Variants in MSR1 observed in about 807,000 individuals in gnomAD.
MSR1 encodes macrophage scavenger receptor types I and II.
In MSR1, 53 loss-of-function variants were observed where a neutral mutation model predicts 47.2. That is an observed-to-expected ratio of 1.12 (90% CI 0.90 to 1.41). The LOEUF (loss-of-function observed/expected upper bound fraction) is 1.41. Ranked by LOEUF, MSR1 falls within the 40% of genes most tolerant of loss-of-function variation. MSR1 has a pLI of 0.00. For missense variants in MSR1, 786 were observed against 546.9 expected, an observed-to-expected ratio of 1.44 and a Z score of -4.36; for synonymous variants, 239 against 185.6, an observed-to-expected ratio of 1.29 and a Z score of -2.34.
Position 16,109,778 on chromosome 8 carries a change from T to C in MSR1, c.*307A>G, listed in dbSNP as rs1288605363. On this transcript the variant is annotated 3_prime_UTR_variant, in exon 10 of 10. Transcript: ENST00000262101. Reference sequence around the variant, plus strand: ...CATATTATGAATTGGAGCCAATTACTGGTATGCATTTCTATTACCCTTGGC... The same window carrying C: ...CATATTATGAATTGGAGCCAATTACCGGTATGCATTTCTATTACCCTTGGC... The C allele has an allele frequency of 9.0e-6, 3 of 331,932 alleles. No homozygotes were observed. The highest frequency in any genetic ancestry group is 1.7e-5 in the Non-Finnish European group (3 of 178,104). The allele number at this position is 331,932 out of a possible 1,614,324, so 20.6% of individuals were successfully genotyped here. A position where few individuals can be genotyped will look rare whatever the true frequency, so the allele number is the denominator to read the frequency against.
chr8:16,160,281 T>C (rs979463514), intron 5 of MSR1, among the ~76,000 whole-genome samples: 1 of 152,020 alleles, frequency 6.6e-6, no homozygotes, highest in African/African-American at 2.4e-5. Flanking sequence ...GAATACAGAA[T>C]GTTGAGAACT....
At chr8:16,164,326 C>A (rs879470400) in intron 4 of MSR1, 75 bp from the exon 5 acceptor site, 4 of 1,300,552 alleles carry the variant, frequency 3.1e-6, no homozygotes, top group African/African-American at 2.9e-5. Context: ...AAGAAACCCT[C>A]GGAGTTCAGG....
intron 3 of MSR1, among the ~76,000 whole-genome samples, chr8:16,169,148 T>C (rs1049922381): frequency 3.3e-5 from 5 of 152,210 alleles, no homozygotes; most frequent in Non-Finnish European, 7.3e-5. Context: ...TTCTTGGCCA[T>C]TGATTTTGGC....
At chr8:16,189,108 T>C (rs553377994) in intron 1 of MSR1, among the ~76,000 whole-genome samples, 11 of 145,942 alleles carry the variant, frequency 7.5e-5, no homozygotes, top group African/African-American at 2.2e-4. Flanking sequence ...ATTTTACATA[T>C]ATTTCATATA....
At chr8:16,149,895 T>G (rs529374149) in intron 7 of MSR1, among the ~76,000 whole-genome samples, 2 of 151,826 alleles carry the variant, frequency 1.3e-5, no homozygotes, top group South Asian at 4.2e-4. Flanking sequence ...TAGTGATGAT[T>G]TATGATTGTG....
intron 7 of MSR1, among the ~76,000 whole-genome samples, 164 bp from the exon 8 acceptor site, chr8:16,143,775 T>A (rs1018292352): frequency 8.5e-5 from 13 of 152,152 alleles, no homozygotes; most frequent in African/African-American, 3.1e-4. Context: ...AGTTATTACT[T>A]AGGAAGCTCC....
chr8:16,110,646 G>A (rs1302804235), intron 9 of MSR1, among the ~76,000 whole-genome samples: 1 of 152,010 alleles, frequency 6.6e-6, no homozygotes, highest in Non-Finnish European at 1.5e-5. Flanking sequence ...AAAATAAACC[G>A]GAAAAAGGAA....
At chr8:16,134,525 TTCCCCCTTCTG>T (rs1197881395) in intron 8 of MSR1, among the ~76,000 whole-genome samples, 7 of 152,114 alleles carry the variant, frequency 4.6e-5, no homozygotes, top group Non-Finnish European at 1.0e-4. Context: ...CAACTGGCTG[TTCCCCCTTCTG>T]TCTCTCTTCC....
chr8:16,149,460 C>A (rs1044640988), intron 7 of MSR1, among the ~76,000 whole-genome samples: 4 of 151,904 alleles, frequency 2.6e-5, no homozygotes, highest in African/African-American at 7.3e-5. Context: ...AACTCCTGAG[C>A]TAAGCAATCC....
At chr8:16,171,683 G>A (rs778288583) in intron 3 of MSR1, among the ~76,000 whole-genome samples, 19 of 152,174 alleles carry the variant, frequency 1.2e-4, no homozygotes, top group Non-Finnish European at 4.4e-5. Flanking sequence ...ACAATGAGGA[G>A]CCCAAATAAA....
intron 8 of MSR1, chr8:16,139,300 T>A: frequency 2.0e-6 from 2 of 983,992 alleles, no homozygotes; most frequent in African/African-American, 1.7e-5. Flanking sequence ...TTCAGAGAGA[T>A]CACTGCGAAG....
rs145792292 is a variant in MSR1, at chr8:16,180,837, T to G, written c.-4-2845A>C. Among the ~76,000 whole-genome samples, 258 of 152,154 alleles carry G rather than the reference T, an allele frequency of 1.7e-3. 2 individuals are homozygous for G. Among genetic ancestry groups the G allele is most frequent in the African/African-American group, 5.9e-3 (243 of 41,516 alleles). On this transcript the variant is annotated intron_variant, in intron 1 of 9. Coordinates refer to ENST00000262101, the MANE Select transcript of MSR1 (RefSeq NM_138715.3). The stretch of plus-strand genomic sequence containing the variant: ...GTTGCATATTCCTCCTTTCTGAGAG[T>G]TGGTTTTCATGAATGCTATGTTGAT...
intron 1 of MSR1, among the ~76,000 whole-genome samples, chr8:16,182,836 C>A (rs879703762): frequency 1.4e-4 from 21 of 151,966 alleles, no homozygotes; most frequent in Non-Finnish European, 2.4e-4. Flanking sequence ...GAGTACACAC[C>A]AAAATAATGA....
chr8:16,174,983 G>A (rs971200926), intron 3 of MSR1, among the ~76,000 whole-genome samples: 1 of 151,618 alleles, frequency 6.6e-6, no homozygotes, highest in Non-Finnish European at 1.5e-5. Context: ...ATTCTATTTT[G>A]TTTTTTCTAA....
intron 1 of MSR1, among the ~76,000 whole-genome samples, chr8:16,186,616 A>T (rs368184205): frequency 6.7e-6 from 1 of 148,682 alleles, no homozygotes; most frequent in African/African-American, 2.5e-5. Context: ...AAGCCCCATC[A>T]TCCCTTTCAC....
chr8:16,115,093 C>T (rs1250727706), intron 9 of MSR1, among the ~76,000 whole-genome samples: 4 of 151,976 alleles, frequency 2.6e-5, no homozygotes, highest in East Asian at 3.9e-4. Flanking sequence ...GTAGGAGAAT[C>T]GCTTGAACCT....
intron 1 of MSR1, 146 bp from the exon 2 acceptor site, chr8:16,178,138 TAC>T (rs977036045): frequency 3.2e-6 from 2 of 628,726 alleles, no homozygotes; most frequent in Non-Finnish European, 5.5e-6. Flanking sequence ...AGCTCTAGGG[TAC>T]ATGTGCACAA....
intron 1 of MSR1, among the ~76,000 whole-genome samples, chr8:16,191,522 T>A (rs911592282): frequency 1.1e-4 from 16 of 151,750 alleles, no homozygotes; most frequent in African/African-American, 3.9e-4. Context: ...AAATATCACT[T>A]TTTTTTTAAA....
chr8:16,140,962 G>A, intron 8 of MSR1: 1 of 1,613,932 alleles, frequency 6.2e-7, no homozygotes, highest in Non-Finnish European at 8.5e-7. Flanking sequence ...GCCTTTTAAT[G>A]AGATGGTAGC....
Sources: allele counts gnomAD v4.1 joint callset (sites outside exome capture counted in the v4.1 genomes callset), GRCh38; gene constraint gnomAD v4.1.1; transcripts MANE v1.5; gene names NCBI Gene and HGNC (gene_info 2026-07-23, HGNC 2026-07-21).